The following NRXN3 variants were observed in gnomAD, a reference collection of about 807,000 sequenced individuals.
NRXN3 encodes the protein neurexin III.
A neutral mutation model predicts 137.6 loss-of-function variants in NRXN3; 32 were observed. That is an observed-to-expected ratio of 0.23 (90% CI 0.18 to 0.31). The LOEUF (loss-of-function observed/expected upper bound fraction) is 0.31. Among genes scored for constraint, NRXN3 ranks in the 10% least tolerant of loss-of-function variants. NRXN3 has a pLI of 1.00. For synonymous variants in NRXN3, 798 were observed against 784.5 expected (o/e 1.02, Z -0.29); for missense variants, 1,574 against 2,062.5 (o/e 0.76, Z 4.59).
chr14:78,742,495 G>C (rs1038831471), intron 8 of NRXN3, among the ~76,000 whole-genome samples: 2 of 152,204 alleles, frequency 1.3e-5, no homozygotes, highest in Non-Finnish European at 2.9e-5. Context: ...TGTATAAATA[G>C]CTTGTTTTGC....
At position 79,091,401 on chromosome 14, in the gene NRXN3, TTTATTACCAAAATAGA is replaced by T. The variant is rs1188995830; in HGVS notation, c.3262+103261_3262+103276del. Among the ~76,000 whole-genome samples the T allele has an allele frequency of 4.6e-5, 7 of 152,274 alleles. No individual in the cohort carries two copies. In the East Asian group the frequency reaches 1.4e-3, roughly 29 times the overall value. On this transcript the variant is annotated intron_variant, in intron 15 of 20. Transcript: ENST00000335750. ...CAAGAGGAGTTAATACAAGTAGTAT[TTTATTACCAAAATAGA>T]AGTTGCATCTGGCTCAGACTCAGCC...
At chr14:78,402,578 T>C (rs1206375056) in intron 4 of NRXN3, among the ~76,000 whole-genome samples, 1 of 152,182 alleles carries the variant, frequency 6.6e-6, no homozygotes, top group Admixed American at 6.5e-5. Flanking sequence ...TGGTCACATA[T>C]TTCAAATATG....
chr14:79,666,271 GT>G (rs1375095855), intron 17 of NRXN3, among the ~76,000 whole-genome samples: 4 of 152,020 alleles, frequency 2.6e-5, no homozygotes, highest in Admixed American at 1.3e-4. Flanking sequence ...CCCTGAGACT[GT>G]TTCCTAGTCT....
intron 4 of NRXN3, among the ~76,000 whole-genome samples, chr14:78,601,048 C>T (rs1402188309): frequency 6.6e-6 from 1 of 152,192 alleles, no homozygotes; most frequent in African/African-American, 2.4e-5. Flanking sequence ...AGGGTTTCAT[C>T]ACCTTGATCT....
intron 8 of NRXN3, among the ~76,000 whole-genome samples, chr14:78,762,274 C>A (rs1567239512): frequency 6.6e-6 from 1 of 152,138 alleles, no homozygotes. Context: ...CCACCTAATG[C>A]AAAGTGTACT....
intron 16 of NRXN3, among the ~76,000 whole-genome samples, chr14:79,543,419 G>C (rs2097291913): frequency 6.6e-6 from 1 of 152,162 alleles, no homozygotes; most frequent in Non-Finnish European, 1.5e-5. Flanking sequence ...GCAAGTTCCA[G>C]GTCAGTTGTT....
chr14:79,643,009 T>G (rs2098439554), intron 16 of NRXN3, among the ~76,000 whole-genome samples: 1 of 135,990 alleles, frequency 7.4e-6, no homozygotes, highest in Non-Finnish European at 1.7e-5. Context: ...ACAAAATTCT[T>G]CTGTTAGCTA....
intron 15 of NRXN3, chr14:79,201,620 G>T (rs1307885209): frequency 6.6e-6 from 1 of 152,136 alleles, no homozygotes; most frequent in South Asian, 2.1e-4. Flanking sequence ...TAATAAAGAT[G>T]ATTGAAAGAC....
At chr14:78,582,214 C>A (rs1228668847) in intron 4 of NRXN3, among the ~76,000 whole-genome samples, 4 of 152,172 alleles carry the variant, frequency 2.6e-5, no homozygotes, top group Non-Finnish European at 5.9e-5. Context: ...GGTATTCAAG[C>A]AGCAGTCAGT....
At chr14:78,941,245 A>G (rs1168388406) in intron 10 of NRXN3, among the ~76,000 whole-genome samples, 1 of 152,230 alleles carries the variant, frequency 6.6e-6, no homozygotes, top group African/African-American at 2.4e-5. Flanking sequence ...TCTACGCTGC[A>G]TCTAACTGGG....
intron 20 of NRXN3, among the ~76,000 whole-genome samples, chr14:79,814,538 T>C (rs2099245850): frequency 6.6e-6 from 1 of 152,240 alleles, no homozygotes; most frequent in Non-Finnish European, 1.5e-5. Context: ...AGTGGGAAAC[T>C]ACTGATAATT....
At chr14:78,445,969 C>CA (rs1365728040) in intron 4 of NRXN3, among the ~76,000 whole-genome samples, 1 of 152,110 alleles carries the variant, frequency 6.6e-6, no homozygotes. Flanking sequence ...AGCTTCCCGG[C>CA]AAAGTGTGAG....
intron 15 of NRXN3, among the ~76,000 whole-genome samples, chr14:79,277,110 T>C (rs1229012066): frequency 6.6e-6 from 1 of 152,146 alleles, no homozygotes; most frequent in African/African-American, 2.4e-5. Flanking sequence ...TGGTCAACTT[T>C]AAATGAGGAC....
chr14:78,340,543 C>T (rs2082032380), intron 4 of NRXN3, among the ~76,000 whole-genome samples: 1 of 152,160 alleles, frequency 6.6e-6, no homozygotes, highest in Non-Finnish European at 1.5e-5. Context: ...CTCTCTCACA[C>T]ATCCAGGGCC....
intron 4 of NRXN3, among the ~76,000 whole-genome samples, chr14:78,553,728 T>A (rs1236085280): frequency 6.6e-6 from 1 of 152,236 alleles, no homozygotes; most frequent in African/African-American, 2.4e-5. Flanking sequence ...GCTGTGTATT[T>A]CTACCCATAC....
chr14:78,740,909 A>T (rs2098566134), intron 8 of NRXN3, among the ~76,000 whole-genome samples: 1 of 152,172 alleles, frequency 6.6e-6, no homozygotes, highest in Non-Finnish European at 1.5e-5. Flanking sequence ...TTGTCAAATA[A>T]AACAATGTAT....
intron 19 of NRXN3, among the ~76,000 whole-genome samples, chr14:79,796,569 T>A (rs1287956893): frequency 6.6e-6 from 1 of 152,162 alleles, no homozygotes; most frequent in Admixed American, 6.5e-5. Context: ...ATTTATATAA[T>A]CCTAGAAGAC....
At chr14:78,946,857 C>T (rs1207044972) in intron 10 of NRXN3, among the ~76,000 whole-genome samples, 4 of 152,112 alleles carry the variant, frequency 2.6e-5, no homozygotes, top group South Asian at 2.1e-4. Flanking sequence ...TAAGGGGAAA[C>T]AAATACATTT....
chr14:78,228,417 A>G (rs2064969145), intron 1 of NRXN3, among the ~76,000 whole-genome samples: 1 of 152,114 alleles, frequency 6.6e-6, no homozygotes, highest in African/African-American at 2.4e-5. Context: ...TGGCCTCCCA[A>G]AGTGCTGGGT....
Sources: allele counts gnomAD v4.1 joint callset (sites outside exome capture counted in the v4.1 genomes callset), GRCh38; gene constraint gnomAD v4.1.1; transcripts MANE v1.5; gene names NCBI Gene and HGNC (gene_info 2026-07-23, HGNC 2026-07-21).